Variants in PDE3B observed in about 807,000 individuals in gnomAD.
PDE3B encodes phosphodiesterase 3B.
PDE3B carries 66 observed loss-of-function variants against 116.8 expected under a neutral mutation model. That is an observed-to-expected ratio of 0.56 (90% CI 0.46 to 0.69). PDE3B has a LOEUF of 0.69. PDE3B is among the 30% of genes least tolerant of loss of function. The pLI is 0.00. For missense variants in PDE3B, 1,384 were observed against 1,368.1 expected (o/e 1.01, Z -0.18); for synonymous variants, 595 against 533.6 (o/e 1.12, Z -1.59).
At chr11:14,708,776 A>G (rs1855608945) in intron 1 of PDE3B, among the ~76,000 whole-genome samples, 1 of 151,884 alleles carries the variant, frequency 6.6e-6, no homozygotes, top group Non-Finnish European at 1.5e-5. Context: ...GGTGAATTAT[A>G]TATATATATA....
At chr11:14,650,684 TGGGAGGCTGA>T (rs1282751803) in intron 1 of PDE3B, among the ~76,000 whole-genome samples, 2 of 151,832 alleles carry the variant, frequency 1.3e-5, no homozygotes, top group Non-Finnish European at 2.9e-5. Context: ...CATCCACCCT[TGGGAGGCTGA>T]GGCCGGAGAA....
chr11:14,876,286 C>A (rs1483113834), downstream of PDE3B, among the ~76,000 whole-genome samples: 1 of 151,982 alleles, frequency 6.6e-6, no homozygotes, highest in Non-Finnish European at 1.5e-5. Context: ...GGAAGCTGAG[C>A]TTGGAGAACT....
rs560913020 is a variant in PDE3B at position 14,835,598 on chromosome 11, C to A, written c.2320+503C>A. On this transcript the variant is annotated intron_variant, in intron 11 of 15. Coordinates refer to ENST00000282096, the MANE Select transcript of PDE3B (RefSeq NM_000922.4). Reference sequence around the variant, plus strand: ...TGCTTCCAAAAAAGTTAATGCTATTCCTTATCATAAATATAATAGTTTATA... The same window carrying A: ...TGCTTCCAAAAAAGTTAATGCTATTACTTATCATAAATATAATAGTTTATA... 3.2e-4 allele frequency among the ~76,000 whole-genome samples: 49 copies of A among 152,254 alleles called. No homozygotes were observed. The Middle Eastern group carries it at 0.014, about 42-fold the overall frequency.
chr11:14,864,228 A>T (rs1190595179), intron 14 of PDE3B, among the ~76,000 whole-genome samples: 1 of 152,240 alleles, frequency 6.6e-6, no homozygotes, highest in Non-Finnish European at 1.5e-5. Flanking sequence ...ATAATGGTAA[A>T]GAGATCAATG....
chr11:14,647,965 G>T (rs1853460190), intron 1 of PDE3B, among the ~76,000 whole-genome samples: 1 of 146,452 alleles, frequency 6.8e-6, no homozygotes, highest in East Asian at 2.0e-4. Flanking sequence ...GAGATTTGAA[G>T]CCCAAATCTA....
intron 2 of PDE3B, among the ~76,000 whole-genome samples, chr11:14,782,923 TCAAA>T (rs1292390450): frequency 2.0e-5 from 3 of 151,662 alleles, no homozygotes; most frequent in Non-Finnish European, 2.9e-5. Context: ...AAGAAAAAAA[TCAAA>T]CAACCCCATC....
rs1178935203 is a variant in PDE3B at position 14,849,307 on chromosome 11, C to T, written c.2520+5281C>T. 4.6e-5 allele frequency among the ~76,000 whole-genome samples: 7 copies of T among 151,698 alleles called. No homozygotes were observed. In the South Asian group the frequency reaches 1.0e-3, roughly 23 times the overall value. ...ATATGTAGAAAGCTGAAACTGGATC[C>T]CTTCCTTACACCTTATACAAAAATT... is the stretch of plus-strand genomic sequence containing the variant. On this transcript the variant is annotated intron_variant, in intron 12 of 15. Transcript: ENST00000282096.
chr11:14,683,089 CACA>C (rs1389862086), intron 1 of PDE3B, among the ~76,000 whole-genome samples: 1 of 152,080 alleles, frequency 6.6e-6, no homozygotes, highest in Non-Finnish European at 1.5e-5. Flanking sequence ...AGGCATGCGC[CACA>C]ACGCCTGGCT....
At chr11:14,792,643 A>T (rs940219312) in intron 4 of PDE3B, among the ~76,000 whole-genome samples, 3 of 152,162 alleles carry the variant, frequency 2.0e-5, no homozygotes, top group African/African-American at 7.2e-5. Context: ...AGATTTTACT[A>T]ATTAAGGAGG....
At chr11:14,786,860 C>A (rs1858218982) in intron 3 of PDE3B, among the ~76,000 whole-genome samples, 175 bp downstream of exon 3, 1 of 151,890 alleles carries the variant, frequency 6.6e-6, no homozygotes, top group African/African-American at 2.4e-5. Context: ...GTTGAGTATT[C>A]AGTTTTTATT....
At chr11:14,712,249 C>T (rs935948744) in intron 1 of PDE3B, among the ~76,000 whole-genome samples, 6 of 152,042 alleles carry the variant, frequency 3.9e-5, no homozygotes, top group African/African-American at 1.4e-4. Context: ...CCACACCTAG[C>T]TAATTTTTTA....
In PDE3B at chr11:14,686,992, C is replaced by T. The variant is rs538936112; in HGVS notation, c.978+41939C>T. 4.7e-3 allele frequency among the ~76,000 whole-genome samples: 719 copies of T among 152,180 alleles called. 11 individuals carry two copies. Among genetic ancestry groups the T allele is most frequent in the Non-Finnish European group, 3.7e-3 (254 of 68,010 alleles). The stretch of plus-strand genomic sequence containing the variant: ...CCTTCCAAAGTGCTGGGATTACAGG[C>T]GTGAGCCACCACGCCTGGCCATTCT... On this transcript the variant is annotated intron_variant, in intron 1 of 15. Transcript: ENST00000282096.
intron 1 of PDE3B, among the ~76,000 whole-genome samples, chr11:14,758,529 A>C (rs990362646): frequency 1.3e-5 from 2 of 148,742 alleles, no homozygotes; most frequent in East Asian, 1.9e-4. Context: ...CATCCCTTGT[A>C]AGTTGGATTC....
intron 15 of PDE3B, among the ~76,000 whole-genome samples, chr11:14,869,029 A>G (rs1848098082): frequency 6.6e-6 from 1 of 152,168 alleles, no homozygotes; most frequent in African/African-American, 2.4e-5. Flanking sequence ...TCAAAAAAAA[A>G]AAAATTGTAC....
chr11:14,819,141 G>A lies in PDE3B; in HGVS notation c.1739G>A (p.Gly580Glu). Residue 580 changes from glycine (G) to glutamate (E), a missense_variant, in exon 7 of 16, where the codon GGA (glycine) becomes GAA (glutamate). Coordinates refer to ENST00000282096, the MANE Select transcript of PDE3B (RefSeq NM_000922.4). The stretch of plus-strand genomic sequence containing the variant: ...TATCTATTTTATTCTATAAGCTGTG[G>A]ACATCAAATGCTGAAATATGTTTCA... ...NSDSNLCNSC[G>E]HQMLKYVSTS... The A allele has an allele frequency of 6.3e-7, 1 of 1,577,274 alleles. No homozygotes were observed. Among genetic ancestry groups the A allele is most frequent in the Non-Finnish European group, 8.7e-7 (1 of 1,150,944 alleles).
At chr11:14,755,788 AACC>A (rs1857165585) in intron 1 of PDE3B, among the ~76,000 whole-genome samples, 1 of 152,212 alleles carries the variant, frequency 6.6e-6, no homozygotes, top group Non-Finnish European at 1.5e-5. Context: ...CCTACATAAT[AACC>A]TTGATTTTGT....
chr11:14,812,988 G>A (rs1439217453), intron 5 of PDE3B, among the ~76,000 whole-genome samples: 2 of 152,118 alleles, frequency 1.3e-5, no homozygotes, highest in Non-Finnish European at 2.9e-5. Context: ...AATCCCTTCC[G>A]CCATGTGAGG....
chr11:14,885,731 T>G, the PDE3B span: 3 of 1,592,804 alleles, frequency 1.9e-6, no homozygotes, highest in African/African-American at 4.0e-5. Flanking sequence ...GGAATGTGAT[T>G]TAAAATATCT....
At position 14,644,104 on chromosome 11, in the gene PDE3B, C is replaced by T; in HGVS notation, c.29C>T (p.Ala10Val). The change falls in exon 1 of 16, where the codon GCC becomes GTC. Residue 10 changes from alanine (A) to valine (V), a missense_variant. Around this residue, in one of 2 missense-constraint regions of PDE3B, gnomAD observed 956 missense variants for 806.8 expected, o/e 1.18. Transcript: ENST00000282096. MRRDERDAK[A>V]MRSLQPPDGA... ...AGGAGGGACGAGCGAGACGCCAAAG[C>T]CATGCGGTCCCTGCAGCCGCCGGAT... 1 of 1,571,024 alleles carries T rather than the reference C, an allele frequency of 6.4e-7. No homozygotes were observed. The highest frequency in any genetic ancestry group is 8.6e-7 in the Non-Finnish European group (1 of 1,168,204).
Sources: gnomAD v4.1 joint callset for allele counts (sites outside exome capture counted in the v4.1 genomes callset) on GRCh38, gnomAD v4.1.1 for gene constraint, gnomAD v4.1.1 regional missense constraint, MANE v1.5 for transcripts, NCBI Gene and HGNC (gene_info 2026-07-23, HGNC 2026-07-21) for gene names.